GIPC2: variants seen among roughly 807,000 people sequenced by gnomAD.
GIPC2 encodes GIPC PDZ domain containing family member 2.
GIPC2 carries 30 observed loss-of-function variants against 30.6 expected under a neutral mutation model. The observed-to-expected ratio is 0.98, with a 90% CI of 0.73 to 1.33. GIPC2 has a LOEUF of 1.33. Among genes scored for constraint, GIPC2 ranks in the 40% most tolerant of loss-of-function variants. The probability of loss-of-function intolerance (pLI) is 0.00; values close to 1 mark genes in which losing one functional copy is unlikely to be tolerated. For synonymous variants in GIPC2, 167 were observed against 150.0 expected (o/e 1.11, Z -0.83); for missense variants, 414 against 390.3 (o/e 1.06, Z -0.51).
intron 3 of GIPC2, among the ~76,000 whole-genome samples, chr1:78,097,305 C>T (rs17101276): frequency 0.037 from 5,586 of 152,200 alleles, 235 homozygotes; most frequent in African/African-American, 0.11. Flanking sequence ...TGGATTTCTA[C>T]CAGGAGAAGG....
chr1:78,120,466 A>C (rs1210182421), intron 4 of GIPC2, among the ~76,000 whole-genome samples: 2 of 151,072 alleles, frequency 1.3e-5, no homozygotes, highest in Middle Eastern at 3.2e-3. Flanking sequence ...ATAAACAGCA[A>C]CTCCCTCCAC....
intron 1 of GIPC2, among the ~76,000 whole-genome samples, chr1:78,057,452 T>G (rs546303602): frequency 6.6e-6 from 1 of 152,340 alleles, no homozygotes; most frequent in South Asian, 2.1e-4. Flanking sequence ...GATATAGGCA[T>G]GCAATATGTA....
At chr1:78,091,061 G>A (rs1662027969) in intron 2 of GIPC2, among the ~76,000 whole-genome samples, 1 of 152,174 alleles carries the variant, frequency 6.6e-6, no homozygotes, top group Admixed American at 6.5e-5. Context: ...AGAAGACCTT[G>A]GGTTCTATAC....
intron 1 of GIPC2, among the ~76,000 whole-genome samples, chr1:78,067,105 G>A (rs1557530501): frequency 6.6e-6 from 1 of 152,160 alleles, no homozygotes; most frequent in Non-Finnish European, 1.5e-5. Flanking sequence ...ATATCTTGAA[G>A]TGTCACCTGT....
At chr1:78,131,277 C>T (rs775976917) in intron 5 of GIPC2, among the ~76,000 whole-genome samples, 5 of 151,836 alleles carry the variant, frequency 3.3e-5, no homozygotes, top group Admixed American at 2.0e-4. Flanking sequence ...GGCGCGATCT[C>T]GGCTCACTGC....
At position 78,119,353 on chromosome 1, in the gene GIPC2, T is replaced by C. The variant is rs747164508; in HGVS notation, c.608-40T>C. On this transcript the variant is annotated intron_variant, in intron 3 of 5. Coordinates refer to ENST00000370759, the MANE Select transcript of GIPC2 (RefSeq NM_017655.6). ...CTTCACAGTAATCTGTTGGGATGCT[T>C]TCTGTGTATATGTATGTTTCCCTGT... The C allele has an allele frequency of 1.8e-6, 2 of 1,085,432 alleles. 1 individual carries two copies. The highest frequency in any genetic ancestry group is 2.6e-5 in the South Asian group (2 of 77,530). The allele number at this position is 1,085,432 out of a possible 1,614,324, so 67.2% of individuals were successfully genotyped here.
intron 3 of GIPC2, among the ~76,000 whole-genome samples, chr1:78,117,131 TAAAC>T (rs1469989679): frequency 3.9e-5 from 6 of 152,124 alleles, no homozygotes; most frequent in Admixed American, 2.6e-4. Flanking sequence ...AATCTACAAA[TAAAC>T]AAATTTACAA....
At chr1:78,048,631 G>A (rs1211121704) in intron 1 of GIPC2, among the ~76,000 whole-genome samples, 1 of 151,908 alleles carries the variant, frequency 6.6e-6, no homozygotes, top group East Asian at 1.9e-4. Context: ...GTTTTTCTGT[G>A]TTGCTCAGTG....
At chr1:78,106,544 A>G (rs917257875) in intron 3 of GIPC2, among the ~76,000 whole-genome samples, 1 of 152,188 alleles carries the variant, frequency 6.6e-6, no homozygotes, top group Non-Finnish European at 1.5e-5. Context: ...TGGGCAACAG[A>G]GCAAGACTCC....
intron 1 of GIPC2, among the ~76,000 whole-genome samples, chr1:78,074,072 A>G (rs940961139): frequency 1.4e-4 from 22 of 152,236 alleles, no homozygotes; most frequent in African/African-American, 5.1e-4. Context: ...AATGCAATCT[A>G]TCCTGGTTAT....
chr1:78,113,677 T>C (rs685393), intron 3 of GIPC2, among the ~76,000 whole-genome samples: 33,097 of 152,144 alleles, frequency 0.22, 4,069 homozygotes, highest in East Asian at 0.61. Flanking sequence ...GCGTGAGCCA[T>C]GGCACCCAGC....
chr1:78,131,392 T>C lies in GIPC2; in HGVS notation c.797-4200T>C, dbSNP rs1662895388. Among the ~76,000 whole-genome samples, 5 of 152,046 alleles carry C rather than the reference T, an allele frequency of 3.3e-5. No homozygotes were observed. The South Asian group carries it at 1.0e-3, about 31-fold the overall frequency. ...ACCAGCTAATTTTTTGTATTTTTAGTAGAGATGGGGTTTCACCGTGTTAGC... is the reference window on the plus strand; with the variant it reads ...ACCAGCTAATTTTTTGTATTTTTAGCAGAGATGGGGTTTCACCGTGTTAGC... On this transcript the variant is annotated intron_variant, in intron 5 of 5. Coordinates refer to ENST00000370759, the MANE Select transcript of GIPC2 (RefSeq NM_017655.6).
At position 78,094,086 on chromosome 1, in the gene GIPC2, G is replaced by A. The variant is rs144751641; in HGVS notation, c.427-866G>A. On this transcript the variant is annotated intron_variant, in intron 2 of 5. Transcript: ENST00000370759. ...TAAAATACATAAATGAAAAACAATA[G>A]CATCAAATCACCCTTACTGGCTCCC... 1.9e-3 allele frequency among the ~76,000 whole-genome samples: 291 copies of A among 152,280 alleles called. 6 individuals are homozygous for A. Among genetic ancestry groups the A allele is most frequent in the Admixed American group, 0.018 (272 of 15,292 alleles).
rs558006360 is a variant in GIPC2 at position 78,124,649 on chromosome 1, T to A, written c.715-1232T>A. ...ATGACTCTGTGACCTTACTTAGACT[T>A]TGCCTATCTATTGCATCCTACTTGA... On this transcript the variant is annotated intron_variant, in intron 4 of 5. Coordinates refer to ENST00000370759, the MANE Select transcript of GIPC2 (RefSeq NM_017655.6). Among the ~76,000 whole-genome samples the A allele has an allele frequency of 5.9e-5, 9 of 152,276 alleles. No individual in the cohort carries two copies. In the South Asian group the frequency reaches 1.9e-3, roughly 32 times the overall value.
intron 3 of GIPC2, among the ~76,000 whole-genome samples, chr1:78,117,059 A>T (rs1479937142): frequency 6.6e-6 from 1 of 152,192 alleles, no homozygotes; most frequent in African/African-American, 2.4e-5. Context: ...CTGGTGTGAG[A>T]TGGTATCTCA....
At chr1:78,066,343 C>T (rs911523876) in intron 1 of GIPC2, among the ~76,000 whole-genome samples, 1 of 152,202 alleles carries the variant, frequency 6.6e-6, no homozygotes, top group Admixed American at 6.5e-5. Flanking sequence ...TATACCGTCT[C>T]ATACAAGTCA....
In GIPC2 at chr1:78,046,123, A is replaced by C. The variant is rs987496434; in HGVS notation, c.29A>C (p.Lys10Thr). The C allele has an allele frequency of 1.0e-5, 15 of 1,493,634 alleles. No individual in the cohort carries two copies. The highest frequency in any genetic ancestry group is 8.8e-5 in the African/African-American group (6 of 67,868). 92.5% of individuals were successfully genotyped at this position (1,493,634 alleles called of 1,614,324 possible). ...CCCCTGAAGCTGCGGGGGAAGAAGA[A>C]GGCCAAGTCCAAGGAGACCGCCGGG... MPLKLRGKK[K>T]AKSKETAGLV... Residue 10 changes from lysine to threonine, a missense_variant, in exon 1 of 6, where the codon AAG becomes ACG. Transcript: ENST00000370759.
chr1:78,066,842 T>A (rs915704753), intron 1 of GIPC2, among the ~76,000 whole-genome samples: 3 of 152,122 alleles, frequency 2.0e-5, no homozygotes, highest in African/African-American at 7.2e-5. Flanking sequence ...TGAGAATGCA[T>A]GGACACATAG....
At chr1:78,111,554 C>T (rs1223629272) in intron 3 of GIPC2, among the ~76,000 whole-genome samples, 2 of 152,208 alleles carry the variant, frequency 1.3e-5, no homozygotes. Flanking sequence ...GCTTTCTGAA[C>T]ATTTTACGAG....
Sources: gnomAD v4.1 joint callset for allele counts (sites outside exome capture counted in the v4.1 genomes callset) on GRCh38, gnomAD v4.1.1 for gene constraint, MANE v1.5 for transcripts, NCBI Gene and HGNC (gene_info 2026-07-23, HGNC 2026-07-21) for gene names.